Variants in CCDC149 observed in about 807,000 individuals in gnomAD.
CCDC149 encodes the protein coiled-coil domain containing 149, also known as coiled-coil domain-containing protein 149.
In CCDC149, 45 loss-of-function variants were observed where a neutral mutation model predicts 59.9. The ratio of observed to expected loss-of-function variants is 0.75; its 90% CI spans 0.59 to 0.96. The LOEUF is 0.96. CCDC149 is among the 40% of genes least tolerant of loss of function. CCDC149 has a pLI of 0.00. For synonymous variants in CCDC149, 245 were observed against 260.6 expected (o/e 0.94, Z 0.58); for missense variants, 584 against 664.7 (o/e 0.88, Z 1.33).
At chr4:24,811,988 T>C (rs1274921243) in intron 12 of CCDC149, among the ~76,000 whole-genome samples, 1 of 152,154 alleles carries the variant, frequency 6.6e-6, no homozygotes, top group Admixed American at 6.5e-5. Context: ...CAGGATTCCT[T>C]GGTTTGTGGC....
intron 3 of CCDC149, among the ~76,000 whole-genome samples, chr4:24,872,162 C>T (rs942355296): frequency 6.6e-6 from 1 of 152,126 alleles, no homozygotes; most frequent in South Asian, 2.1e-4. Flanking sequence ...CTCAAAGGAA[C>T]AGAACAGAGA....
In CCDC149 at chr4:24,836,621, A is replaced by C. The variant is rs531575793; in HGVS notation, c.663-113T>G. The C allele has an allele frequency of 1.2e-5, 8 of 668,092 alleles. 1 individual carries two copies. The South Asian group carries it at 1.4e-4, about 12-fold the overall frequency. 41.4% of individuals were successfully genotyped at this position (668,092 alleles called of 1,614,324 possible). A position where few individuals can be genotyped will look rare whatever the true frequency, so the allele number is the denominator to read the frequency against. ...TTGCCAGAAGAGCTATCTTTTACAC[A>C]TAACACCTTGCCTGCTCACCAGAGA... is the stretch of plus-strand genomic sequence containing the variant. On this transcript the variant is annotated intron_variant, in intron 6 of 12. Transcript: ENST00000635206.
At chr4:24,931,177 T>A (rs1274081636) in intron 1 of CCDC149, among the ~76,000 whole-genome samples, 1 of 150,642 alleles carries the variant, frequency 6.6e-6, no homozygotes, top group African/African-American at 2.4e-5. Flanking sequence ...ATCATATATA[T>A]GTATATGTGT....
At chr4:24,940,346 G>C (rs1295163736) in intron 1 of CCDC149, among the ~76,000 whole-genome samples, 1 of 152,172 alleles carries the variant, frequency 6.6e-6, no homozygotes, top group Non-Finnish European at 1.5e-5. Flanking sequence ...AGCAAATGCT[G>C]AGAGATTTTG....
intron 1 of CCDC149, among the ~76,000 whole-genome samples, chr4:24,892,983 G>C (rs1270309408): frequency 6.6e-6 from 1 of 152,156 alleles, no homozygotes; most frequent in African/African-American, 2.4e-5. Flanking sequence ...GAGAGAAAAG[G>C]GGGCTGATCG....
At chr4:24,813,497 T>TATATATATATATATATATATAC (rs1560197552) in intron 12 of CCDC149, among the ~76,000 whole-genome samples, 44 of 15,410 alleles carry the variant, frequency 2.9e-3, no homozygotes, top group African/African-American at 6.0e-3. Context: ...GGAATATATA[T>TATATATATATATATATATATAC]ATATATATAT....
chr4:24,905,249 G>A (rs1014167149), intron 1 of CCDC149, among the ~76,000 whole-genome samples: 3 of 151,746 alleles, frequency 2.0e-5, no homozygotes, highest in Non-Finnish European at 4.4e-5. Context: ...GATACTAGAT[G>A]TGTGTTGTGC....
intron 3 of CCDC149, among the ~76,000 whole-genome samples, chr4:24,867,291 GGTGACACA>G (rs1224313195): frequency 1.3e-5 from 2 of 152,192 alleles, no homozygotes; most frequent in Non-Finnish European, 2.9e-5. Context: ...AGTCTTGAAA[GGTGACACA>G]GTTTGCCCAG....
intron 7 of CCDC149, among the ~76,000 whole-genome samples, chr4:24,836,028 C>T (rs899409916): frequency 6.6e-6 from 1 of 152,216 alleles, no homozygotes; most frequent in South Asian, 2.1e-4. Flanking sequence ...TTCTTCATCA[C>T]TCGGAAACCA....
intron 1 of CCDC149, among the ~76,000 whole-genome samples, chr4:24,928,389 G>A (rs1192482708): frequency 6.6e-6 from 1 of 152,230 alleles, no homozygotes; most frequent in Non-Finnish European, 1.5e-5. Flanking sequence ...AGGGCATTGT[G>A]AGGGAAAGTG....
chr4:24,951,580 T>TA (rs1291244542), intron 1 of CCDC149, among the ~76,000 whole-genome samples: 1 of 152,110 alleles, frequency 6.6e-6, no homozygotes, highest in Non-Finnish European at 1.5e-5. Context: ...TCTGGTGGCT[T>TA]AAAAAAAGCA....
At chr4:24,946,705 C>T (rs951919078) in intron 1 of CCDC149, among the ~76,000 whole-genome samples, 9 of 152,150 alleles carry the variant, frequency 5.9e-5, no homozygotes, top group Admixed American at 2.6e-4. Context: ...TATATGACCA[C>T]TTTATCCTAG....
intron 11 of CCDC149, among the ~76,000 whole-genome samples, chr4:24,820,652 C>T (rs908972980): frequency 5.3e-5 from 8 of 152,178 alleles, no homozygotes; most frequent in Non-Finnish European, 1.0e-4. Context: ...AGAAGAGGCT[C>T]TTTTTCCTTT....
At chr4:24,918,354 A>C (rs1021316451) in intron 1 of CCDC149, among the ~76,000 whole-genome samples, 1 of 152,156 alleles carries the variant, frequency 6.6e-6, no homozygotes, top group African/African-American at 2.4e-5. Flanking sequence ...AGTGCTGGTA[A>C]AATATTTATT....
Position 24,870,085 on chromosome 4 carries a change from C to T in CCDC149, c.264+3596G>A, listed in dbSNP as rs935110946. ...TAAGAGGAAGCTGATGTGCTTAAGT[C>T]GGCAAAGTGGTAGAGTTGTCAGGTA... On this transcript the variant is annotated intron_variant, in intron 3 of 12. Coordinates refer to ENST00000635206, the MANE Select transcript of CCDC149 (RefSeq NM_001330643.2). Among the ~76,000 whole-genome samples the T allele has an allele frequency of 1.1e-4, 17 of 152,236 alleles. No homozygotes were observed. The South Asian group carries it at 1.7e-3, about 15-fold the overall frequency.
At chr4:24,832,797 T>G (rs1163354336) in intron 8 of CCDC149, among the ~76,000 whole-genome samples, 2 of 152,234 alleles carry the variant, frequency 1.3e-5, no homozygotes, top group African/African-American at 4.8e-5. Context: ...TTTCCTTAGC[T>G]TCTTTGGCAA....
At position 24,975,653 on chromosome 4, in the gene CCDC149, C is replaced by T. The variant is rs573908423; in HGVS notation, c.-65+4416G>A. Among the ~76,000 whole-genome samples the T allele has an allele frequency of 9.9e-5, 15 of 151,366 alleles. No individual in the cohort carries two copies. The South Asian group carries it at 3.1e-3, about 32-fold the overall frequency. ...TCATTGATGGGGCTTGGGTCCATGCCCATCCCTGAACCAGTCACTGTGCAC... is the reference window on the plus strand; with the variant it reads ...TCATTGATGGGGCTTGGGTCCATGCTCATCCCTGAACCAGTCACTGTGCAC... On this transcript the variant is annotated intron_variant, in intron 1 of 12. Transcript: ENST00000389609.
intron 1 of CCDC149, among the ~76,000 whole-genome samples, chr4:24,948,099 G>A (rs1723173242): frequency 6.6e-6 from 1 of 152,202 alleles, no homozygotes; most frequent in Non-Finnish European, 1.5e-5. Flanking sequence ...GTGGCAGGCA[G>A]TGGGCTACGG....
At chr4:24,979,559 T>C (rs1187461547) in intron 1 of CCDC149, among the ~76,000 whole-genome samples, 1 of 152,242 alleles carries the variant, frequency 6.6e-6, no homozygotes, top group East Asian at 1.9e-4. Flanking sequence ...GGTTTGAGTT[T>C]TCTGTTATTC....
Sources: gnomAD v4.1 joint callset for allele counts (sites outside exome capture counted in the v4.1 genomes callset) on GRCh38, gnomAD v4.1.1 for gene constraint, MANE v1.5 for transcripts, NCBI Gene and HGNC (gene_info 2026-07-23, HGNC 2026-07-21) for gene names.